Variants in TSNARE1 observed in about 807,000 individuals in gnomAD.
TSNARE1 encodes t-SNARE domain containing 1.
In TSNARE1, 49 loss-of-function variants were observed where a neutral mutation model predicts 62.0. The ratio of observed to expected loss-of-function variants is 0.79; its 90% CI spans 0.63 to 1.00. The LOEUF (loss-of-function observed/expected upper bound fraction) is 1.00, where lower values mean the gene tolerates loss of function less well. Ranked by LOEUF, TSNARE1 falls within the 50% of genes least tolerant of loss-of-function variation. TSNARE1 has a pLI of 0.00. For missense variants in TSNARE1, 755 were observed against 700.1 expected (o/e 1.08, Z -0.88); for synonymous variants, 328 against 294.4 (o/e 1.11, Z -1.17).
At chr8:142,216,449 C>G (rs373036044) in intron 13 of TSNARE1, among the ~76,000 whole-genome samples, 10 of 152,166 alleles carry the variant, frequency 6.6e-5, no homozygotes, top group African/African-American at 2.2e-4. Context: ...TCTGGCCACA[C>G]GCTCGGGGGC....
At chr8:142,300,340 A>T in intron 10 of TSNARE1, 146 bp downstream of exon 10, 1 of 887,318 alleles carries the variant, frequency 1.1e-6, no homozygotes. Context: ...AGAGGTGGTT[A>T]GAATGGGCAA....
chr8:142,332,867 A>C (rs1351266888), intron 4 of TSNARE1, among the ~76,000 whole-genome samples: 1 of 152,188 alleles, frequency 6.6e-6, no homozygotes, highest in Non-Finnish European at 1.5e-5. Context: ...GCTCCTGAAG[A>C]GCACTCCCAG....
chr8:142,268,344 G>T (rs1394244404), intron 12 of TSNARE1, among the ~76,000 whole-genome samples: 1 of 152,238 alleles, frequency 6.6e-6, no homozygotes. Flanking sequence ...TCGAGTCCCT[G>T]CTCCTCAGCC....
rs117748270 is a variant in TSNARE1, at chr8:142,378,221, A to G, written c.-39-23458T>C. On this transcript the variant is annotated intron_variant, in intron 1 of 13. Coordinates refer to ENST00000524325, the MANE Select transcript of TSNARE1 (RefSeq NM_145003.5). ...ACACGGGAACACCGCTCAGCATCAC[A>G]AGGGAGAAGGCGCGGACGCCACACC... Among the ~76,000 whole-genome samples, 10 of 152,362 alleles carry G rather than the reference A, an allele frequency of 6.6e-5. No homozygotes were observed. In the East Asian group the frequency reaches 1.9e-3, roughly 29 times the overall value.
chr8:142,353,202 G>C (rs1834330274), intron 2 of TSNARE1, among the ~76,000 whole-genome samples: 1 of 152,132 alleles, frequency 6.6e-6, no homozygotes, highest in Non-Finnish European at 1.5e-5. Context: ...CCTCTGGGCT[G>C]GCAGTCCTAG....
chr8:142,278,034 TG>T (rs1820786417), intron 11 of TSNARE1: 1 of 984,996 alleles, frequency 1.0e-6, no homozygotes, highest in Non-Finnish European at 1.2e-6. Flanking sequence ...TCAATGGGGG[TG>T]GATCCAGCCA....
intron 10 of TSNARE1, among the ~76,000 whole-genome samples, chr8:142,296,486 C>T (rs373420129): frequency 3.3e-5 from 5 of 150,102 alleles, no homozygotes; most frequent in African/African-American, 1.2e-4. Flanking sequence ...GAAGGGCAGT[C>T]ACTGTCTTTG....
intron 6 of TSNARE1, among the ~76,000 whole-genome samples, chr8:142,320,568 T>C (rs1171277077): frequency 3.3e-5 from 5 of 152,108 alleles, no homozygotes; most frequent in Non-Finnish European, 7.4e-5. Context: ...CAACTTCACC[T>C]CCCCACACCA....
intron 1 of TSNARE1, among the ~76,000 whole-genome samples, chr8:142,356,244 C>A (rs972265129): frequency 6.6e-6 from 1 of 152,182 alleles, no homozygotes; most frequent in East Asian, 1.9e-4. Flanking sequence ...CGAAAACACC[C>A]GGCCCCACGC....
At chr8:142,356,312 C>A (rs1328609658) in intron 1 of TSNARE1, among the ~76,000 whole-genome samples, 3 of 152,214 alleles carry the variant, frequency 2.0e-5, no homozygotes, top group Non-Finnish European at 4.4e-5. Context: ...TCAGGCCTCG[C>A]ATCCCAGGTA....
chr8:142,350,318 T>C (rs890845179), intron 2 of TSNARE1, among the ~76,000 whole-genome samples: 1 of 152,220 alleles, frequency 6.6e-6, no homozygotes, highest in Non-Finnish European at 1.5e-5. Context: ...CGAAAGGCTA[T>C]TGTGTACAAT....
intron 2 of TSNARE1, 108 bp downstream of exon 2, chr8:142,354,529 T>C: frequency 1.3e-6 from 1 of 767,718 alleles, no homozygotes; most frequent in Non-Finnish European, 2.1e-6. Context: ...GCCACTTTCC[T>C]CAAAAGAACA....
At chr8:142,233,976 G>T (rs59659264) in intron 12 of TSNARE1, among the ~76,000 whole-genome samples, 3,220 of 152,302 alleles carry the variant, frequency 0.021, 98 homozygotes, top group African/African-American at 0.067. Context: ...GTGGAGCTGT[G>T]GGGGGCGGAT....
Position 142,372,529 on chromosome 8 carries a change from C to T in TSNARE1, c.-39-17766G>A, listed in dbSNP as rs138001605. ...GGGCCCCAGGGACAGACAGAGGCTG[C>T]GGGGTGGAGCGGGGGTGCTGGCTTC... is the stretch of plus-strand genomic sequence containing the variant. On this transcript the variant is annotated intron_variant, in intron 1 of 13. Coordinates refer to ENST00000524325, the MANE Select transcript of TSNARE1 (RefSeq NM_145003.5). Among the ~76,000 whole-genome samples, 473 of 152,270 alleles carry T rather than the reference C, an allele frequency of 3.1e-3. 3 individuals are homozygous for T. The highest frequency in any genetic ancestry group is 9.4e-3 in the African/African-American group (392 of 41,568).
rs774340800 is a variant in TSNARE1 at position 142,291,384 on chromosome 8, C to T, written c.1291-6899G>A. ...ACCGTCATCTCTGACAAAATCAGAACGTAGGAGTGTTCACTCTCACAGAGC... is the reference window on the plus strand; with the variant it reads ...ACCGTCATCTCTGACAAAATCAGAATGTAGGAGTGTTCACTCTCACAGAGC... On this transcript the variant is annotated intron_variant, in intron 10 of 13. Coordinates refer to ENST00000524325, the MANE Select transcript of TSNARE1 (RefSeq NM_145003.5). The surrounding 1 kb of genome is among the most constrained non-coding windows in gnomAD (Gnocchi z 4.8). Among the ~76,000 whole-genome samples the T allele has an allele frequency of 1.3e-5, 2 of 152,148 alleles. No individual in the cohort carries two copies. Among genetic ancestry groups the T allele is most frequent in the Admixed American group, 6.5e-5 (1 of 15,284 alleles).
chr8:142,246,888 CG>C (rs1817910176), intron 12 of TSNARE1, among the ~76,000 whole-genome samples: 1 of 152,242 alleles, frequency 6.6e-6, no homozygotes. Flanking sequence ...TGCGAGGCAG[CG>C]ATGAGCAAAG....
At chr8:142,403,416 A>G (rs1838458578), upstream of TSNARE1, among the ~76,000 whole-genome samples, 1 of 151,942 alleles carries the variant, frequency 6.6e-6, no homozygotes, top group Non-Finnish European at 1.5e-5. Flanking sequence ...GCATATGGGG[A>G]TGACGGCGAA....
chr8:142,342,171 T>C (rs895635519), intron 4 of TSNARE1, among the ~76,000 whole-genome samples: 2 of 152,198 alleles, frequency 1.3e-5, no homozygotes, highest in Non-Finnish European at 2.9e-5. Flanking sequence ...GGCTGCCCCA[T>C]AAAGACCTCC....
chr8:142,368,357 T>C (rs532605996), intron 1 of TSNARE1, among the ~76,000 whole-genome samples: 1 of 152,284 alleles, frequency 6.6e-6, no homozygotes, highest in Admixed American at 6.5e-5. Flanking sequence ...TCAAGCTGAC[T>C]CATAACTAGA....
Sources: gnomAD v4.1 joint callset for allele counts (sites outside exome capture counted in the v4.1 genomes callset) on GRCh38, gnomAD v4.1.1 for gene constraint, Gnocchi (gnomAD v3.1) non-coding constraint, MANE v1.5 for transcripts, NCBI Gene and HGNC (gene_info 2026-07-23, HGNC 2026-07-21) for gene names.